The following ST6GAL1 variants were observed in gnomAD, a reference collection of about 807,000 sequenced individuals.
ST6GAL1 encodes ST6 beta-galactoside alpha-2,6-sialyltransferase 1, also known as beta-galactoside alpha-2,6-sialyltransferase 1.
A neutral mutation model predicts 38.0 loss-of-function variants in ST6GAL1; 20 were observed. The observed-to-expected ratio is 0.53, with a 90% CI of 0.37 to 0.77. The LOEUF (loss-of-function observed/expected upper bound fraction) is 0.77, where lower values mean the gene tolerates loss of function less well. Ranked by LOEUF, ST6GAL1 falls within the 30% of genes least tolerant of loss-of-function variation. The probability of loss-of-function intolerance (pLI) is 0.00; values close to 1 mark genes in which losing one functional copy is unlikely to be tolerated. For synonymous variants in ST6GAL1, 196 were observed against 188.2 expected, an observed-to-expected ratio of 1.04 and a Z score of -0.34; for missense variants, 432 against 496.4, an observed-to-expected ratio of 0.87 and a Z score of 1.23.
chr3:187,037,984 T>TA (rs1395505086), intron 2 of ST6GAL1, among the ~76,000 whole-genome samples: 1 of 152,050 alleles, frequency 6.6e-6, no homozygotes, highest in Non-Finnish European at 1.5e-5. Flanking sequence ...ATTTTTTCAG[T>TA]TACAATTATA....
intron 1 of ST6GAL1, among the ~76,000 whole-genome samples, chr3:186,933,458 G>A (rs1366744743): frequency 3.9e-5 from 6 of 152,014 alleles, no homozygotes; most frequent in Non-Finnish European, 5.9e-5. Flanking sequence ...CACCGAACGC[G>A]GGTACAAGCT....
chr3:187,074,684 G>A (rs1349912259), intron 7 of ST6GAL1, among the ~76,000 whole-genome samples: 1 of 152,010 alleles, frequency 6.6e-6, no homozygotes, highest in Non-Finnish European at 1.5e-5. Flanking sequence ...TTTGGAGAGG[G>A]GAGAATTTGG....
In ST6GAL1 at chr3:187,066,594, G is replaced by GTGCA. The variant is rs1291156249; in HGVS notation, c.706-6252_706-6251insATGC. Among the ~76,000 whole-genome samples the GTGCA allele has an allele frequency of 7.8e-3, 827 of 105,406 alleles. 7 individuals carry two copies. Among genetic ancestry groups the GTGCA allele is most frequent in the African/African-American group, 0.026 (782 of 30,456 alleles). The allele number at this position is 105,406 out of a possible 152,430, so 69.2% of individuals were successfully genotyped here. A position where few individuals can be genotyped will look rare whatever the true frequency, so the allele number is the denominator to read the frequency against. On this transcript the variant is annotated intron_variant, in intron 5 of 7. Transcript: ENST00000169298. ...ACAGTGGTAATATCTGAAGATGTGC[G>GTGCA]TGCGTGCGTGTGTGTGTGTGTGTGT...
intron 5 of ST6GAL1, among the ~76,000 whole-genome samples, chr3:187,067,077 C>CTTTTT (rs1719176608): frequency 8.7e-6 from 1 of 115,238 alleles, no homozygotes; most frequent in Non-Finnish European, 1.7e-5. Flanking sequence ...TTCTTTCTTT[C>CTTTTT]TTTCTTTTTT....
chr3:187,018,630 C>T (rs142443324), intron 2 of ST6GAL1, among the ~76,000 whole-genome samples: 1,659 of 152,282 alleles, frequency 0.011, 14 homozygotes, highest in Non-Finnish European at 0.017. Context: ...GCTACAATGG[C>T]AGCAGATTAG....
At chr3:187,017,938 C>T (rs184549247) in intron 2 of ST6GAL1, among the ~76,000 whole-genome samples, 135 of 152,278 alleles carry the variant, frequency 8.9e-4, no homozygotes, top group African/African-American at 3.1e-3. Context: ...AGAGGAAATC[C>T]TTATCTTCGG....
At chr3:187,028,383 A>G (rs1039182254) in intron 2 of ST6GAL1, among the ~76,000 whole-genome samples, 5 of 152,178 alleles carry the variant, frequency 3.3e-5, no homozygotes, top group African/African-American at 1.2e-4. Flanking sequence ...AAACTATATC[A>G]CTGTCTAAGA....
At chr3:186,953,220 C>G (rs1334126219) in intron 1 of ST6GAL1, among the ~76,000 whole-genome samples, 1 of 152,174 alleles carries the variant, frequency 6.6e-6, no homozygotes, top group Non-Finnish European at 1.5e-5. Context: ...AAGGCTTCCT[C>G]TTTTACTCAG....
intron 5 of ST6GAL1, among the ~76,000 whole-genome samples, chr3:187,070,682 C>T (rs2108603023): frequency 6.6e-6 from 1 of 152,218 alleles, no homozygotes; most frequent in South Asian, 2.1e-4. Flanking sequence ...CTCGGCCTCC[C>T]AAAGTGCTGG....
chr3:186,991,362 G>A (rs535243150), intron 2 of ST6GAL1, among the ~76,000 whole-genome samples: 22 of 152,274 alleles, frequency 1.4e-4, no homozygotes, highest in African/African-American at 5.3e-4. Flanking sequence ...CCTAATAGAG[G>A]AAACGGACAT....
chr3:187,049,140 C>T (rs960149012), intron 4 of ST6GAL1, among the ~76,000 whole-genome samples: 2 of 152,282 alleles, frequency 1.3e-5, no homozygotes, highest in African/African-American at 4.8e-5. Flanking sequence ...ATCCACCCGC[C>T]TCGGCCTCCC....
chr3:186,938,408 A>G (rs893472510), intron 1 of ST6GAL1, among the ~76,000 whole-genome samples: 1 of 152,206 alleles, frequency 6.6e-6, no homozygotes, highest in African/African-American at 2.4e-5. Flanking sequence ...ACCTTATCTC[A>G]TAGGGTGATT....
At chr3:186,948,403 G>T (rs536899618) in intron 1 of ST6GAL1, among the ~76,000 whole-genome samples, 1 of 152,170 alleles carries the variant, frequency 6.6e-6, no homozygotes, top group Non-Finnish European at 1.5e-5. Context: ...CAAACTGGGC[G>T]GGCAGCCAGA....
At chr3:187,067,065 T>TTTTCTTTC (rs1337310231) in intron 5 of ST6GAL1, among the ~76,000 whole-genome samples, 20 of 146,480 alleles carry the variant, frequency 1.4e-4, no homozygotes, top group African/African-American at 4.4e-4. Context: ...GGCAATCTTC[T>TTTTCTTTC]TTTCTTTCTT....
chr3:186,974,629 A>G (rs1305635901), intron 2 of ST6GAL1, among the ~76,000 whole-genome samples: 1 of 151,708 alleles, frequency 6.6e-6, no homozygotes, highest in East Asian at 1.9e-4. Flanking sequence ...AAGACAGGAG[A>G]ATTATTTTTG....
chr3:186,999,619 C>T (rs1054449339), intron 2 of ST6GAL1, among the ~76,000 whole-genome samples: 7 of 151,842 alleles, frequency 4.6e-5, no homozygotes, highest in African/African-American at 1.5e-4. Flanking sequence ...CCGTGTTAGC[C>T]AGGATGGTCT....
At chr3:186,934,319 G>C (rs540552511) in intron 1 of ST6GAL1, among the ~76,000 whole-genome samples, 2 of 152,206 alleles carry the variant, frequency 1.3e-5, no homozygotes, top group East Asian at 3.9e-4. Context: ...GGAAGAGTTC[G>C]AATTCCTTGA....
At chr3:187,024,048 A>C (rs1227482717) in intron 2 of ST6GAL1, among the ~76,000 whole-genome samples, 1 of 151,628 alleles carries the variant, frequency 6.6e-6, no homozygotes, top group Non-Finnish European at 1.5e-5. Flanking sequence ...TTTTGGGTAT[A>C]TATATACATA....
chr3:186,992,069 A>G (rs737509), intron 2 of ST6GAL1, among the ~76,000 whole-genome samples: 53,421 of 152,024 alleles, frequency 0.35, 9,507 homozygotes, highest in East Asian at 0.41. Context: ...AAACAGTTTC[A>G]GTATCCCGCC....
Sources: gnomAD v4.1 joint callset for allele counts (sites outside exome capture counted in the v4.1 genomes callset) on GRCh38, gnomAD v4.1.1 for gene constraint, MANE v1.5 for transcripts, NCBI Gene and HGNC (gene_info 2026-07-23, HGNC 2026-07-21) for gene names.